Variants in NELL1 observed in about 807,000 individuals in gnomAD.
NELL1 encodes protein kinase C-binding protein NELL1.
In NELL1, 76 loss-of-function variants were observed where a neutral mutation model predicts 107.4. The ratio of observed to expected loss-of-function variants is 0.71; its 90% CI spans 0.59 to 0.86. NELL1 has a LOEUF of 0.86. NELL1 is among the 40% of genes least tolerant of loss of function. The pLI is 0.00. For synonymous variants in NELL1, 353 were observed against 341.2 expected (o/e 1.03, Z -0.38); for missense variants, 1,024 against 1,005.5 (o/e 1.02, Z -0.25).
At chr11:20,840,761 G>C (rs992051622) in intron 3 of NELL1, among the ~76,000 whole-genome samples, 6 of 152,220 alleles carry the variant, frequency 3.9e-5, no homozygotes, top group African/African-American at 1.4e-4. Context: ...CAGGTTCAAG[G>C]GGAGGAGACA....
chr11:20,818,883 T>C (rs1322055093), intron 3 of NELL1, among the ~76,000 whole-genome samples: 1 of 152,250 alleles, frequency 6.6e-6, no homozygotes, highest in Admixed American at 6.5e-5. Flanking sequence ...TATTAGTCCC[T>C]GTGCTAGGTA....
At chr11:20,888,684 C>A (rs1457682366) in intron 5 of NELL1, among the ~76,000 whole-genome samples, 1 of 152,074 alleles carries the variant, frequency 6.6e-6, no homozygotes, top group Non-Finnish European at 1.5e-5. Context: ...TCAGAACAGC[C>A]ATTTTATTTA....
At chr11:21,357,625 G>T (rs938124746) in intron 14 of NELL1, among the ~76,000 whole-genome samples, 4 of 152,100 alleles carry the variant, frequency 2.6e-5, no homozygotes, top group African/African-American at 9.7e-5. Flanking sequence ...TATTTCTTTT[G>T]CTGTGCAGAA....
chr11:21,237,358 A>G (rs1182542977), intron 14 of NELL1, among the ~76,000 whole-genome samples: 2 of 152,164 alleles, frequency 1.3e-5, no homozygotes, highest in Admixed American at 1.3e-4. Context: ...CAACATTCCA[A>G]GATATTCAAG....
At chr11:21,435,507 T>A (rs942479534) in intron 15 of NELL1, among the ~76,000 whole-genome samples, 1 of 151,708 alleles carries the variant, frequency 6.6e-6, no homozygotes, top group African/African-American at 2.4e-5. Flanking sequence ...TTTTTTGTTT[T>A]TTTTTACCAT....
At chr11:20,686,331 C>T (rs1854304336) in intron 2 of NELL1, among the ~76,000 whole-genome samples, 1 of 152,044 alleles carries the variant, frequency 6.6e-6, no homozygotes, top group Non-Finnish European at 1.5e-5. Flanking sequence ...TTTGTTACTG[C>T]TGTCTTTGTA....
intron 12 of NELL1, among the ~76,000 whole-genome samples, chr11:20,989,208 C>T (rs1382534427): frequency 6.6e-6 from 1 of 152,156 alleles, no homozygotes; most frequent in Non-Finnish European, 1.5e-5. Context: ...TTTGTGATCT[C>T]TGGTCCTAAT....
chr11:21,093,742 T>A (rs1027802798), intron 12 of NELL1, among the ~76,000 whole-genome samples: 1 of 152,214 alleles, frequency 6.6e-6, no homozygotes, highest in African/African-American at 2.4e-5. Context: ...GTGGAACTTC[T>A]GTTTTTAAAA....
chr11:21,202,901 G>A (rs9667362), intron 13 of NELL1, among the ~76,000 whole-genome samples: 12,220 of 151,966 alleles, frequency 0.08, 786 homozygotes, highest in East Asian at 0.27. Flanking sequence ...TCATTCGGTA[G>A]CAGGTTGTTC....
At chr11:21,478,866 T>G (rs1854417982) in intron 15 of NELL1, among the ~76,000 whole-genome samples, 1 of 149,418 alleles carries the variant, frequency 6.7e-6, no homozygotes, top group Admixed American at 6.7e-5. Flanking sequence ...ATAATCTGAT[T>G]TAAAAATGGC....
intron 12 of NELL1, among the ~76,000 whole-genome samples, chr11:21,022,052 C>T (rs1027633416): frequency 6.6e-6 from 1 of 151,960 alleles, no homozygotes; most frequent in Admixed American, 6.6e-5. Flanking sequence ...GTTGTGACAA[C>T]CAAAAATATC....
At chr11:20,754,751 A>C (rs1856220768) in intron 2 of NELL1, among the ~76,000 whole-genome samples, 1 of 152,260 alleles carries the variant, frequency 6.6e-6, no homozygotes, top group African/African-American at 2.4e-5. Flanking sequence ...ATTAAAATAA[A>C]ATAATGTAAT....
At chr11:21,473,840 A>C (rs1349775035) in intron 15 of NELL1, among the ~76,000 whole-genome samples, 2 of 152,126 alleles carry the variant, frequency 1.3e-5, no homozygotes, top group African/African-American at 4.8e-5. Flanking sequence ...TCTCTGTGTT[A>C]AAGAGAACAA....
intron 13 of NELL1, among the ~76,000 whole-genome samples, chr11:21,121,644 A>G (rs1227953355): frequency 3.3e-5 from 5 of 152,174 alleles, no homozygotes. Context: ...TGACCCCACT[A>G]TCTCAGAAGA....
At chr11:21,047,927 G>A (rs909312811) in intron 12 of NELL1, among the ~76,000 whole-genome samples, 8 of 152,146 alleles carry the variant, frequency 5.3e-5, no homozygotes, top group African/African-American at 1.7e-4. Context: ...GGTAACCAGC[G>A]CATCACGTAG....
At chr11:21,230,448 G>A (rs1051460285) in intron 14 of NELL1, among the ~76,000 whole-genome samples, 2 of 152,204 alleles carry the variant, frequency 1.3e-5, no homozygotes, top group Non-Finnish European at 2.9e-5. Flanking sequence ...TGTTCACTAT[G>A]TGTTAATTCA....
At chr11:21,519,599 C>A (rs753540634) in intron 15 of NELL1, among the ~76,000 whole-genome samples, 6 of 149,824 alleles carry the variant, frequency 4.0e-5, no homozygotes, top group Non-Finnish European at 7.4e-5. Context: ...AGTCAAGGTT[C>A]TTCTAATTGA....
chr11:21,060,488 T>C (rs1451860304), intron 12 of NELL1, among the ~76,000 whole-genome samples: 1 of 152,210 alleles, frequency 6.6e-6, no homozygotes, highest in Non-Finnish European at 1.5e-5. Context: ...TATGTTTCTA[T>C]ATAACATTGC....
intron 14 of NELL1, among the ~76,000 whole-genome samples, chr11:21,250,688 G>A (rs1590772814): frequency 6.6e-6 from 1 of 152,160 alleles, no homozygotes. Flanking sequence ...ATTATCTTGA[G>A]CAAAACACTC....
Sources: gnomAD v4.1 joint callset for allele counts (sites outside exome capture counted in the v4.1 genomes callset) on GRCh38, gnomAD v4.1.1 for gene constraint, MANE v1.5 for transcripts, NCBI Gene and HGNC (gene_info 2026-07-23, HGNC 2026-07-21) for gene names.